Variants in EFR3A observed in about 807,000 individuals in gnomAD.
The protein encoded by EFR3A is EFR3 homolog A.
Under a neutral mutation model 104.4 loss-of-function variants are expected in EFR3A, and 76 were observed. The ratio of observed to expected loss-of-function variants is 0.73; its 90% CI spans 0.60 to 0.88. The LOEUF (loss-of-function observed/expected upper bound fraction) is 0.88, where lower values mean the gene tolerates loss of function less well. Ranked by LOEUF, EFR3A falls within the 40% of genes least tolerant of loss-of-function variation. The pLI is 0.00. For missense variants in EFR3A, 985 were observed against 1,012.5 expected (o/e 0.97, Z 0.37); for synonymous variants, 330 against 330.0 (o/e 1.00, Z 0.00).
At chr8:131,918,176 A>G (rs1816833537) in intron 1 of EFR3A, among the ~76,000 whole-genome samples, 1 of 152,132 alleles carries the variant, frequency 6.6e-6, no homozygotes, top group South Asian at 2.1e-4. Context: ...AATTCCAGCT[A>G]CTCAGGAGGC....
intron 5 of EFR3A, among the ~76,000 whole-genome samples, chr8:131,950,894 G>C (rs149271212): frequency 6.6e-6 from 1 of 151,986 alleles, no homozygotes; most frequent in Non-Finnish European, 1.5e-5. Context: ...TCAACTATAG[G>C]TTGATAGAAT....
At chr8:131,926,106 TA>T (rs576413464) in intron 1 of EFR3A, among the ~76,000 whole-genome samples, 2 of 151,612 alleles carry the variant, frequency 1.3e-5, no homozygotes, top group African/African-American at 2.4e-5. Flanking sequence ...TAAGACTAGA[TA>T]AAAAAAAGAC....
intron 19 of EFR3A, among the ~76,000 whole-genome samples, chr8:131,996,955 ATAAGGGAAAATGTTT>A (rs1425271764): frequency 6.6e-6 from 1 of 152,096 alleles, no homozygotes; most frequent in Admixed American, 6.6e-5. Flanking sequence ...AACTGCATCT[ATAAGGGAAAATGTTT>A]TAATTATTTT....
At chr8:131,905,578 T>G (rs1055030936) in intron 1 of EFR3A, among the ~76,000 whole-genome samples, 2 of 152,338 alleles carry the variant, frequency 1.3e-5, no homozygotes, top group African/African-American at 4.8e-5. Flanking sequence ...CACACACTAC[T>G]GTGTGTCCTT....
chr8:131,945,975 C>T (rs1391694603), intron 3 of EFR3A, among the ~76,000 whole-genome samples: 3 of 152,008 alleles, frequency 2.0e-5, no homozygotes, highest in African/African-American at 7.2e-5. Flanking sequence ...CCCTTCCTAT[C>T]CTCTGGTATC....
intron 19 of EFR3A, among the ~76,000 whole-genome samples, chr8:131,999,564 A>G (rs1023145414): frequency 7.1e-6 from 1 of 140,514 alleles, no homozygotes; most frequent in Non-Finnish European, 1.6e-5. Flanking sequence ...TAACTCCAAC[A>G]TAACCAGTTT....
At chr8:131,945,771 T>A (rs1818406065) in intron 3 of EFR3A, among the ~76,000 whole-genome samples, 1 of 152,072 alleles carries the variant, frequency 6.6e-6, no homozygotes, top group South Asian at 2.1e-4. Flanking sequence ...ATTTATCACT[T>A]CTGTGTGTTG....
At chr8:131,954,077 T>A in intron 6 of EFR3A, 110 bp downstream of exon 6, 1 of 1,094,540 alleles carries the variant, frequency 9.1e-7, no homozygotes, top group Non-Finnish European at 1.2e-6. Flanking sequence ...AGTAGTCTCG[T>A]AAAGTTAAGT....
At chr8:131,937,776 C>T (rs1817975946) in intron 1 of EFR3A, among the ~76,000 whole-genome samples, 1 of 137,848 alleles carries the variant, frequency 7.3e-6, no homozygotes, top group South Asian at 2.5e-4. Context: ...TGCTCATCCC[C>T]CTCTTTTTTT....
intron 10 of EFR3A, among the ~76,000 whole-genome samples, chr8:131,975,319 T>G (rs1820269175): frequency 1.3e-5 from 2 of 152,202 alleles, no homozygotes; most frequent in South Asian, 4.1e-4. Context: ...ATGTGTGGCC[T>G]GATTACCGGA....
intron 3 of EFR3A, 145 bp downstream of exon 3, chr8:131,945,017 A>G (rs919635507): frequency 3.1e-6 from 3 of 964,992 alleles, no homozygotes; most frequent in Middle Eastern, 2.9e-4. Flanking sequence ...AAAGAAATAT[A>G]TAATACTCCA....
At chr8:131,992,320 C>T (rs1821230824) in intron 18 of EFR3A, among the ~76,000 whole-genome samples, 1 of 152,172 alleles carries the variant, frequency 6.6e-6, no homozygotes, top group Non-Finnish European at 1.5e-5. Flanking sequence ...GCAGTAGCCA[C>T]ATGCAGGATA....
intron 1 of EFR3A, chr8:131,924,333 C>G (rs1817194582): frequency 3.9e-6 from 1 of 256,868 alleles, no homozygotes; most frequent in African/African-American, 2.3e-5. Context: ...TTTTTTTATC[C>G]TTTGACACGT....
At chr8:131,957,894 G>A (rs913357672) in intron 7 of EFR3A, among the ~76,000 whole-genome samples, 6 of 152,058 alleles carry the variant, frequency 3.9e-5, no homozygotes, top group Middle Eastern at 3.2e-3. Flanking sequence ...TAGGGGTTAC[G>A]GTGAGATAAG....
rs1326843233 is a variant in EFR3A at position 132,010,449 on chromosome 8, T to TATAA, written c.2361-340_2361-339insTAAA. Reference sequence around the variant, plus strand: ...ATATATATATATATATATATATATATAATGAAATACCATTCTGTCATCAAA... The same window carrying TATAA: ...ATATATATATATATATATATATATATATAAAATGAAATACCATTCTGTCATCAAA... On this transcript the variant is annotated intron_variant, in intron 22 of 22. Transcript: ENST00000254624. Among the ~76,000 whole-genome samples the TATAA allele has an allele frequency of 3.0e-4, 39 of 128,406 alleles. 1 individual carries two copies. Among genetic ancestry groups the TATAA allele is most frequent in the Admixed American group, 4.8e-4 (6 of 12,492 alleles). 84.2% of individuals were successfully genotyped at this position (128,406 alleles called of 152,430 possible).
chr8:131,909,398 T>A (rs1326553564), intron 1 of EFR3A, among the ~76,000 whole-genome samples: 40 of 152,020 alleles, frequency 2.6e-4, no homozygotes, highest in Non-Finnish European at 7.4e-5. Flanking sequence ...AAATTAAAAA[T>A]TAGCCAGGTG....
chr8:132,002,531 C>CT, intron 20 of EFR3A, 72 bp from the exon 21 acceptor site: 1 of 1,278,062 alleles, frequency 7.8e-7, no homozygotes, highest in South Asian at 1.4e-5. Flanking sequence ...ATCATTAACT[C>CT]TTAACGGTCA....
rs183289475 is a variant in EFR3A at position 131,935,886 on chromosome 8, A to G, written c.11-4613A>G. Among the ~76,000 whole-genome samples, 59 of 151,914 alleles carry G rather than the reference A, an allele frequency of 3.9e-4. No individual in the cohort carries two copies. In the East Asian group the frequency reaches 0.011, roughly 29 times the overall value. On this transcript the variant is annotated intron_variant, in intron 1 of 22. Transcript: ENST00000254624. ...GGGGTCTTTTTTTTTTTAATGATCC[A>G]AGTCCCCAAATTTATAGAGTTGCAT...
At position 132,001,746 on chromosome 8, in the gene EFR3A, C is replaced by T; in HGVS notation, c.2158-13C>T. 1 of 1,611,022 alleles carries T rather than the reference C, an allele frequency of 6.2e-7. No individual in the cohort carries two copies. The highest frequency in any genetic ancestry group is 8.5e-7 in the Non-Finnish European group (1 of 1,177,642). ...CTTTTTAACTCTCGATTTCACTTAT[C>T]ACTTTTCTCTAGGTTAGTAACACTG... On this transcript the variant is annotated splice_polypyrimidine_tract_variant and intron_variant, in intron 19 of 22. Coordinates refer to ENST00000254624, the MANE Select transcript of EFR3A (RefSeq NM_015137.6).
Sources: allele counts gnomAD v4.1 joint callset (sites outside exome capture counted in the v4.1 genomes callset), GRCh38; gene constraint gnomAD v4.1.1; transcripts MANE v1.5; gene names NCBI Gene and HGNC (gene_info 2026-07-23, HGNC 2026-07-21).